Variants in MPP7 observed in about 807,000 individuals in gnomAD.
MPP7 encodes MAGUK p55 subfamily member 7.
Under a neutral mutation model 76.5 loss-of-function variants are expected in MPP7, and 60 were observed. That is an observed-to-expected ratio of 0.78 (90% confidence interval 0.64 to 0.97). The LOEUF is 0.97. Among genes scored for constraint, MPP7 ranks in the 50% least tolerant of loss-of-function variants. MPP7 has a pLI of 0.00. For missense variants in MPP7, 641 were observed against 694.0 expected (o/e 0.92, Z 0.86); for synonymous variants, 237 against 244.5 (o/e 0.97, Z 0.29).
At chr10:28,257,870 G>A (rs1034436169) in intron 1 of MPP7, among the ~76,000 whole-genome samples, 4 of 151,746 alleles carry the variant, frequency 2.6e-5, no homozygotes, top group African/African-American at 4.8e-5. Context: ...CCACATTTCT[G>A]ACAAACCCCC....
chr10:28,289,286 G>A (rs1466990486), intron 1 of MPP7: 3 of 146,572 alleles, frequency 2.0e-5, no homozygotes, highest in Non-Finnish European at 2.9e-5. Context: ...GGGCAACAGA[G>A]CCAGACTCCA....
chr10:28,262,488 C>T (rs942768474), intron 1 of MPP7, among the ~76,000 whole-genome samples: 45 of 151,486 alleles, frequency 3.0e-4, no homozygotes, highest in African/African-American at 1.1e-3. Context: ...AACTGCAAGT[C>T]CTTTTAAAAA....
At chr10:28,076,801 T>C in intron 12 of MPP7, among the ~76,000 whole-genome samples, 1 of 151,882 alleles carries the variant, frequency 6.6e-6, no homozygotes, top group East Asian at 1.9e-4. Context: ...GGCAGGAGAA[T>C]TGCTTGAACG....
At chr10:28,121,857 T>C (rs1199123113) in intron 8 of MPP7, among the ~76,000 whole-genome samples, 2 of 151,454 alleles carry the variant, frequency 1.3e-5, no homozygotes, top group African/African-American at 2.4e-5. Context: ...TCAATTTCCA[T>C]GGTATAAATA....
intron 4 of MPP7, among the ~76,000 whole-genome samples, chr10:28,148,036 A>G (rs1835766331): frequency 6.6e-6 from 1 of 152,222 alleles, no homozygotes; most frequent in Non-Finnish European, 1.5e-5. Context: ...AGCTAGGGTA[A>G]AAATAATTAG....
chr10:28,143,854 G>A (rs944522682), intron 5 of MPP7, among the ~76,000 whole-genome samples: 32 of 113,490 alleles, frequency 2.8e-4, no homozygotes, highest in Middle Eastern at 4.6e-3. Context: ...TCAATCGTGT[G>A]CTGTGTGTGT....
At chr10:28,251,419 A>G (rs1377630541) in intron 1 of MPP7, among the ~76,000 whole-genome samples, 1 of 152,080 alleles carries the variant, frequency 6.6e-6, no homozygotes, top group African/African-American at 2.4e-5. Flanking sequence ...CCGAGATCGC[A>G]CCATTGCATT....
chr10:28,332,799 C>A (rs1342704820), intron 1 of MPP7, among the ~76,000 whole-genome samples: 2 of 151,878 alleles, frequency 1.3e-5, no homozygotes, highest in Non-Finnish European at 2.9e-5. Flanking sequence ...GTAGCTTGGA[C>A]CACAGGCACG....
At position 28,131,125 on chromosome 10, in the gene MPP7, A is replaced by G. The variant is rs143488175; in HGVS notation, c.447+435T>C. On this transcript the variant is annotated intron_variant, in intron 6 of 16. Transcript: ENST00000683449. ...AAATAAGATCTTCAAAAGATGTTTA[A>G]CAAAGAAATTAGATGTTTACTTCAC... 1.7e-4 allele frequency among the ~76,000 whole-genome samples: 26 copies of G among 152,356 alleles called. No homozygotes were observed. In the East Asian group the frequency reaches 4.8e-3, roughly 28 times the overall value.
chr10:28,253,906 G>A (rs918829021), intron 1 of MPP7, among the ~76,000 whole-genome samples: 1 of 140,324 alleles, frequency 7.1e-6, no homozygotes, highest in African/African-American at 2.6e-5. Flanking sequence ...TGAGGCAGGA[G>A]AATCACTTGA....
rs1433788406 is a variant in MPP7 at position 28,323,008 on chromosome 10, C to T, written c.-132+6921G>A. Among the ~76,000 whole-genome samples the T allele has an allele frequency of 6.6e-5, 10 of 152,144 alleles. No individual in the cohort carries two copies. In the East Asian group the frequency reaches 7.7e-4, roughly 12 times the overall value. Reference sequence around the variant, plus strand: ...CTCTACAAAAAAGAAAAATAGGGGCCGGGCACGGTGGCTCACACCTGTAAT... The same window carrying T: ...CTCTACAAAAAAGAAAAATAGGGGCTGGGCACGGTGGCTCACACCTGTAAT... On this transcript the variant is annotated intron_variant, in intron 2 of 11. Transcript: ENST00000441595.
chr10:28,116,108 C>A (rs1834657426), intron 11 of MPP7, among the ~76,000 whole-genome samples: 1 of 152,086 alleles, frequency 6.6e-6, no homozygotes, highest in Non-Finnish European at 1.5e-5. Context: ...AATACACTAC[C>A]TGAATAACAG....
At position 28,192,812 on chromosome 10, in the gene MPP7, A is replaced by C. The variant is rs563046680; in HGVS notation, c.156+9341T>G. The stretch of plus-strand genomic sequence containing the variant: ...ACAAGGCAAAAGATTCAGAATAGTC[A>C]ACACAGTATCAAAGAAGAACAAAGT... On this transcript the variant is annotated intron_variant, in intron 3 of 16. Coordinates refer to ENST00000683449, the MANE Select transcript of MPP7 (RefSeq NM_001318170.2). Among the ~76,000 whole-genome samples the C allele has an allele frequency of 2.3e-4, 35 of 152,356 alleles. No individual in the cohort carries two copies. In the South Asian group the frequency reaches 7.0e-3, roughly 31 times the overall value.
chr10:28,080,733 C>T (rs1204728901), intron 12 of MPP7, among the ~76,000 whole-genome samples: 1 of 152,194 alleles, frequency 6.6e-6, no homozygotes, highest in Non-Finnish European at 1.5e-5. Flanking sequence ...AAAAAGCCAA[C>T]TGTGACTCCA....
chr10:28,137,663 C>T (rs1454055654), intron 5 of MPP7, among the ~76,000 whole-genome samples: 1 of 152,100 alleles, frequency 6.6e-6, no homozygotes, highest in East Asian at 1.9e-4. Context: ...TTTTGGACAA[C>T]TAAAATTTTG....
chr10:28,138,804 A>G (rs972552963), intron 5 of MPP7, among the ~76,000 whole-genome samples: 3 of 152,266 alleles, frequency 2.0e-5, no homozygotes, highest in Non-Finnish European at 4.4e-5. Context: ...ATAAATGTAC[A>G]GAATTATCTT....
chr10:28,100,616 A>G (rs1403117176), intron 11 of MPP7, among the ~76,000 whole-genome samples: 2 of 152,170 alleles, frequency 1.3e-5, no homozygotes, highest in Admixed American at 6.5e-5. Context: ...CAAACATACT[A>G]TTAGAAAATT....
chr10:28,241,020 T>C (rs1428466697), intron 1 of MPP7, among the ~76,000 whole-genome samples: 1 of 152,124 alleles, frequency 6.6e-6, no homozygotes. Flanking sequence ...TTATATGGTA[T>C]AGATTGCACA....
chr10:28,330,054 A>G (rs1834457519), intron 1 of MPP7: 3 of 152,000 alleles, frequency 2.0e-5, no homozygotes, highest in African/African-American at 7.3e-5. Context: ...TGCTGTTAAT[A>G]GCTTCCCAAC....
Sources: allele counts gnomAD v4.1 joint callset (sites outside exome capture counted in the v4.1 genomes callset), GRCh38; gene constraint gnomAD v4.1.1; transcripts MANE v1.5; gene names NCBI Gene and HGNC (gene_info 2026-07-23, HGNC 2026-07-21).